USP25: variants seen among roughly 807,000 people sequenced by gnomAD.
USP25 encodes the protein ubiquitin specific peptidase 25.
USP25 carries 85 observed loss-of-function variants against 158.5 expected under a neutral mutation model. The observed-to-expected ratio is 0.54, with a 90% CI of 0.45 to 0.64. The LOEUF (loss-of-function observed/expected upper bound fraction) is 0.64. Ranked by LOEUF, USP25 falls within the 30% of genes least tolerant of loss-of-function variation. USP25 has a pLI of 0.00. For synonymous variants in USP25, 464 were observed against 460.4 expected, an observed-to-expected ratio of 1.01 and a Z score of -0.10; for missense variants, 1,242 against 1,327.3, an observed-to-expected ratio of 0.94 and a Z score of 1.00.
At chr21:15,838,019 C>A (rs1002050406) in intron 17 of USP25, among the ~76,000 whole-genome samples, 1 of 151,720 alleles carries the variant, frequency 6.6e-6, no homozygotes, top group Non-Finnish European at 1.5e-5. Context: ...CACTGCCTGC[C>A]GGGTTCAAGC....
chr21:15,841,351 C>T (rs1379335701), intron 17 of USP25, among the ~76,000 whole-genome samples: 1 of 152,142 alleles, frequency 6.6e-6, no homozygotes, highest in Non-Finnish European at 1.5e-5. Flanking sequence ...TCTAGTTTTA[C>T]TTTCCTCTCT....
intron 14 of USP25, 98 bp from the exon 15 acceptor site, chr21:15,830,433 C>G (rs567687749): frequency 3.3e-5 from 32 of 982,250 alleles, no homozygotes; most frequent in Admixed American, 2.9e-4. Flanking sequence ...GAAAATTTTC[C>G]TATTCCTCTA....
At chr21:15,790,103 G>A (rs1252876237) in intron 4 of USP25, among the ~76,000 whole-genome samples, 1 of 151,928 alleles carries the variant, frequency 6.6e-6, no homozygotes, top group Non-Finnish European at 1.5e-5. Flanking sequence ...TCTGGTAACA[G>A]TAGAATGTTC....
chr21:15,816,986 G>T lies in USP25; in HGVS notation c.932-1712G>T, dbSNP rs1027058380. 2.6e-5 allele frequency among the ~76,000 whole-genome samples: 4 copies of T among 151,930 alleles called. No homozygotes were observed. The highest frequency in any genetic ancestry group is 9.7e-5 in the African/African-American group (4 of 41,372). ...ACCTCTACTGAAAATACAAAAATTA[G>T]TCGGGTGTGGTGGTGGGCGCCTGTA... On this transcript the variant is annotated intron_variant, in intron 9 of 25. Coordinates refer to ENST00000400183, the MANE Select transcript of USP25 (RefSeq NM_001283041.3). This position sits in a 1 kb window ranked among gnomAD's most constrained non-coding sequence, Gnocchi z 4.0.
intron 17 of USP25, among the ~76,000 whole-genome samples, chr21:15,834,162 A>G (rs1369995203): frequency 2.0e-5 from 3 of 152,218 alleles, no homozygotes; most frequent in Non-Finnish European, 1.5e-5. Flanking sequence ...ATTTAAAAAC[A>G]TTATTCTGAA....
At chr21:15,847,830 A>G (rs1383161973) in intron 19 of USP25, 54 bp downstream of exon 19, 1 of 1,270,624 alleles carries the variant, frequency 7.9e-7, no homozygotes, top group Non-Finnish European at 1.1e-6. Flanking sequence ...TATTTAATAC[A>G]AATACTTTGG....
At chr21:15,840,409 T>G (rs1471206364) in intron 17 of USP25, among the ~76,000 whole-genome samples, 1 of 152,186 alleles carries the variant, frequency 6.6e-6, no homozygotes, top group Non-Finnish European at 1.5e-5. Context: ...TTTTATATTT[T>G]TAATACCTAA....
intron 17 of USP25, among the ~76,000 whole-genome samples, chr21:15,840,665 G>A (rs1450464034): frequency 6.6e-6 from 1 of 152,124 alleles, no homozygotes; most frequent in African/African-American, 2.4e-5. Context: ...CTTTATGGAA[G>A]GAAACCTTGG....
chr21:15,731,836 C>T (rs927380333), intron 1 of USP25, among the ~76,000 whole-genome samples: 1 of 152,130 alleles, frequency 6.6e-6, no homozygotes, highest in Non-Finnish European at 1.5e-5. Context: ...AGACTTAAGG[C>T]TTAGGAAAGA....
intron 20 of USP25, among the ~76,000 whole-genome samples, chr21:15,850,957 A>G (rs971446077): frequency 1.3e-5 from 2 of 152,042 alleles, no homozygotes; most frequent in Non-Finnish European, 2.9e-5. Context: ...TCCCATAAGA[A>G]AGGTTGAAAA....
intron 10 of USP25, among the ~76,000 whole-genome samples, chr21:15,822,376 C>G (rs938271528): frequency 6.6e-6 from 1 of 151,908 alleles, no homozygotes; most frequent in Non-Finnish European, 1.5e-5. Flanking sequence ...ATAACAGAGA[C>G]ATATTACATA....
chr21:15,835,815 C>G (rs1040227343), intron 17 of USP25, among the ~76,000 whole-genome samples: 1 of 152,074 alleles, frequency 6.6e-6, no homozygotes, highest in Non-Finnish European at 1.5e-5. Context: ...TAGAACATGC[C>G]AAGTCCATAA....
intron 20 of USP25, among the ~76,000 whole-genome samples, chr21:15,859,459 T>A (rs1185549996): frequency 6.6e-6 from 1 of 152,148 alleles, no homozygotes; most frequent in Non-Finnish European, 1.5e-5. Context: ...CCTCCCAAAG[T>A]GCTGGGATTA....
rs1345311856 is a variant in USP25 at position 15,879,735 on chromosome 21, G to A, written c.*1260G>A. On this transcript the variant is annotated 3_prime_UTR_variant, in exon 26 of 26. Coordinates refer to ENST00000400183, the MANE Select transcript of USP25 (RefSeq NM_001283041.3). Reference sequence around the variant, plus strand: ...CTATGTGTATGTTTGATACAGCGTCGCCAAAACTAGTGTTCTTTATTAGTG... The same window carrying A: ...CTATGTGTATGTTTGATACAGCGTCACCAAAACTAGTGTTCTTTATTAGTG... The A allele has an allele frequency of 2.0e-5, 3 of 152,438 alleles. No individual in the cohort carries two copies. Among genetic ancestry groups the A allele is most frequent in the Admixed American group, 6.6e-5 (1 of 15,256 alleles). The allele number at this position is 152,438 out of a possible 1,614,324, so 9.4% of individuals were successfully genotyped here.
intron 6 of USP25, among the ~76,000 whole-genome samples, chr21:15,802,669 A>G (rs2036189708): frequency 2.0e-5 from 3 of 151,710 alleles, no homozygotes; most frequent in Non-Finnish European, 3.0e-5. Flanking sequence ...AAGATATCTT[A>G]TAAGAGACAT....
chr21:15,841,912 C>T (rs2038353875), intron 17 of USP25, among the ~76,000 whole-genome samples: 1 of 152,060 alleles, frequency 6.6e-6, no homozygotes, highest in Admixed American at 6.6e-5. Flanking sequence ...GTTTGCCTTT[C>T]CTCTGACAAC....
chr21:15,764,044 C>T (rs1270330339), intron 2 of USP25, among the ~76,000 whole-genome samples: 2 of 152,108 alleles, frequency 1.3e-5, no homozygotes, highest in South Asian at 2.1e-4. Flanking sequence ...TTTGCTTCAC[C>T]TTATTCCCCC....
In USP25 at chr21:15,866,220, T is replaced by TAC. The variant is rs759596827; in HGVS notation, c.2727-38_2727-37dup. 1,818 of 1,117,208 alleles carry TAC rather than the reference T, an allele frequency of 1.6e-3. 3 individuals are homozygous for TAC. Among genetic ancestry groups the TAC allele is most frequent in the African/African-American group, 7.2e-3 (440 of 60,950 alleles). 69.2% of individuals were successfully genotyped at this position (1,117,208 alleles called of 1,614,324 possible). A position where few individuals can be genotyped will look rare whatever the true frequency, so the allele number is the denominator to read the frequency against. ...ATTTACAAATATATATATATATATA[T>TAC]ACACACACATACACACACGCTCATA... is the stretch of plus-strand genomic sequence containing the variant. On this transcript the variant is annotated intron_variant, in intron 21 of 25. Coordinates refer to ENST00000400183, the MANE Select transcript of USP25 (RefSeq NM_001283041.3).
chr21:15,856,692 C>T (rs1266748261), intron 20 of USP25, among the ~76,000 whole-genome samples: 2 of 152,074 alleles, frequency 1.3e-5, no homozygotes, highest in East Asian at 1.9e-4. Context: ...AGGATGGTCT[C>T]GATCTCCTGA....
Sources: gnomAD v4.1 joint callset for allele counts (sites outside exome capture counted in the v4.1 genomes callset) on GRCh38, gnomAD v4.1.1 for gene constraint, Gnocchi (gnomAD v3.1) non-coding constraint, MANE v1.5 for transcripts, NCBI Gene and HGNC (gene_info 2026-07-23, HGNC 2026-07-21) for gene names.